CUBN: variants seen among roughly 807,000 people sequenced by gnomAD.
CUBN encodes cubilin.
Under a neutral mutation model 405.3 loss-of-function variants are expected in CUBN, and 282 were observed. The observed-to-expected ratio is 0.70, with a 90% CI of 0.63 to 0.77. The LOEUF is 0.77. Ranked by LOEUF, CUBN falls within the 30% of genes least tolerant of loss-of-function variation. CUBN has a pLI of 0.00. For missense variants in CUBN, 4,514 were observed against 4,475.2 expected (o/e 1.01, Z -0.25); for synonymous variants, 1,684 against 1,617.0 (o/e 1.04, Z -0.99).
At chr10:17,095,463 G>C (rs10795442) in intron 14 of CUBN, among the ~76,000 whole-genome samples, 81,624 of 151,780 alleles carry the variant, frequency 0.54, 22,597 homozygotes, top group East Asian at 0.67. Flanking sequence ...AGACATTTCT[G>C]AATAGAAAAC....
chr10:16,879,371 T>C (rs780838), intron 56 of CUBN, among the ~76,000 whole-genome samples: 72,017 of 152,156 alleles, frequency 0.47, 19,346 homozygotes, highest in Middle Eastern at 0.63. Flanking sequence ...AAAATGCTTT[T>C]ATTTCATGGC....
In CUBN at chr10:16,889,647, G is replaced by A. The variant is rs181272623; in HGVS notation, c.8755+724C>T. 2.7e-3 allele frequency among the ~76,000 whole-genome samples: 412 copies of A among 152,134 alleles called. 2 individuals carry two copies. The highest frequency in any genetic ancestry group is 4.9e-3 in the Non-Finnish European group (335 of 67,998). ...CGGCCGGGCACGGTGGCTTATGCCAGCACTTTGGGAGGCCGAGGCGGGCGG... is the reference window on the plus strand; with the variant it reads ...CGGCCGGGCACGGTGGCTTATGCCAACACTTTGGGAGGCCGAGGCGGGCGG... On this transcript the variant is annotated intron_variant, in intron 55 of 66. Coordinates refer to ENST00000377833, the MANE Select transcript of CUBN (RefSeq NM_001081.4).
rs1284065989 is a variant in CUBN at position 16,915,106 on chromosome 10, G to A, written c.7277C>T (p.Ala2426Val). The change falls in exon 47 of 67, where the codon GCT becomes GTT. Residue 2426 changes from alanine to valine, a missense_variant. Physicochemically the swap from Ala to Val is moderately conservative, Grantham distance 64. Around this residue, in one of 5 missense-constraint regions of CUBN, gnomAD observed 1,613 missense variants for 1,542.8 expected, o/e 1.05. Coordinates refer to ENST00000377833, the MANE Select transcript of CUBN (RefSeq NM_001081.4). ...PDSIDTSSNT[A>V]VVRFVTDGSV... ...GCCGTCTGTGACAAACCTGACCACA[G>A]CAGTATTGCTAGAAGTGTCTATGCT... 1 of 1,613,962 alleles carries A rather than the reference G, an allele frequency of 6.2e-7. No homozygotes were observed. The highest frequency in any genetic ancestry group is 1.3e-5 in the African/African-American group (1 of 74,926).
At chr10:17,114,844 C>A (rs1836852317) in intron 7 of CUBN, among the ~76,000 whole-genome samples, 1 of 152,158 alleles carries the variant, frequency 6.6e-6, no homozygotes, top group South Asian at 2.1e-4. Context: ...ATGTTGCCAA[C>A]AAGACTGGTC....
Position 16,954,568 on chromosome 10 carries a change from G to A in CUBN, c.4696-20C>T. ...GTATGCCTACAAGAAAGGAGACAGG[G>A]CAAACAGTGGTTCAGATTCACATCT... On this transcript the variant is annotated intron_variant, in intron 31 of 66. Coordinates refer to ENST00000377833, the MANE Select transcript of CUBN (RefSeq NM_001081.4). 1 of 1,612,178 alleles carries A rather than the reference G, an allele frequency of 6.2e-7. No homozygotes were observed. Among genetic ancestry groups the A allele is most frequent in the Admixed American group, 1.7e-5 (1 of 59,914 alleles).
intron 31 of CUBN, among the ~76,000 whole-genome samples, chr10:16,968,743 T>C (rs1687703): frequency 0.36 from 54,063 of 151,974 alleles, 9,982 homozygotes; most frequent in Middle Eastern, 0.44. Context: ...TAACTGTCAG[T>C]CAGAGGTCAC....
chr10:17,096,288 C>G (rs1311404694), intron 14 of CUBN, among the ~76,000 whole-genome samples: 1 of 152,058 alleles, frequency 6.6e-6, no homozygotes, highest in Middle Eastern at 3.2e-3. Flanking sequence ...TAAATATTTT[C>G]ACCATATTGA....
chr10:16,954,182 G>C (rs1021337018), intron 32 of CUBN, among the ~76,000 whole-genome samples: 1 of 152,142 alleles, frequency 6.6e-6, no homozygotes. Context: ...TTAGAGATGC[G>C]GGTCCAAAGG....
At chr10:16,932,412 T>G (rs1225355519) in intron 40 of CUBN, among the ~76,000 whole-genome samples, 4 of 152,186 alleles carry the variant, frequency 2.6e-5, no homozygotes. Context: ...CCATGCAGAC[T>G]GTGAAGCCCA....
chr10:17,037,539 A>C (rs958904182), intron 27 of CUBN, among the ~76,000 whole-genome samples: 9 of 152,256 alleles, frequency 5.9e-5, no homozygotes, highest in African/African-American at 2.2e-4. Context: ...AAATATATGA[A>C]CTGGATAATA....
At chr10:17,047,385 A>G (rs1195648976) in intron 23 of CUBN, 29 bp downstream of exon 23, 1 of 1,506,130 alleles carries the variant, frequency 6.6e-7, no homozygotes, top group South Asian at 1.2e-5. Context: ...TAATGAAAAG[A>G]TTATAATGAA....
intron 22 of CUBN, among the ~76,000 whole-genome samples, chr10:17,060,184 C>T (rs1011055810): frequency 2.6e-5 from 4 of 151,276 alleles, no homozygotes; most frequent in South Asian, 2.1e-4. Context: ...TGCAGTGGTG[C>T]GATTTTCTCT....
At chr10:17,104,873 A>G (rs1251201075) in intron 11 of CUBN, among the ~76,000 whole-genome samples, 1 of 149,416 alleles carries the variant, frequency 6.7e-6, no homozygotes, top group Non-Finnish European at 1.5e-5. Flanking sequence ...CAGTGGTGCA[A>G]TCTCAGCTCA....
At chr10:16,835,295 CT>C (rs1839136073) in intron 63 of CUBN, 100 bp from the exon 64 acceptor site, 1 of 1,122,698 alleles carries the variant, frequency 8.9e-7, no homozygotes, top group South Asian at 1.3e-5. Flanking sequence ...ATTTGATAAA[CT>C]TTAGAAAAAA....
At chr10:16,835,300 G>T in intron 63 of CUBN, 105 bp from the exon 64 acceptor site, 1 of 1,030,890 alleles carries the variant, frequency 9.7e-7, no homozygotes, top group Non-Finnish European at 1.5e-6. Flanking sequence ...ATAAACTTTA[G>T]AAAAAAGTAA....
chr10:17,087,184 A>G (rs1836128528), intron 15 of CUBN, among the ~76,000 whole-genome samples: 1 of 152,124 alleles, frequency 6.6e-6, no homozygotes, highest in African/African-American at 2.4e-5. Flanking sequence ...TCTTTTTCAC[A>G]CTGCTGCAAG....
chr10:16,829,930 T>TG (rs1838928244), intron 65 of CUBN, among the ~76,000 whole-genome samples: 2 of 150,184 alleles, frequency 1.3e-5, no homozygotes, highest in Non-Finnish European at 3.0e-5. Context: ...CATGGTGGGT[T>TG]TTTTTTGTTT....
chr10:16,829,342 GAAA>G (rs71287326), intron 65 of CUBN, among the ~76,000 whole-genome samples: 1 of 121,152 alleles, frequency 8.3e-6, no homozygotes. Flanking sequence ...GAGCAGAATG[GAAA>G]AAAAAAAAAA....
intron 31 of CUBN, among the ~76,000 whole-genome samples, chr10:16,971,068 T>C (rs1330240895): frequency 6.6e-6 from 1 of 152,212 alleles, no homozygotes; most frequent in Non-Finnish European, 1.5e-5. Flanking sequence ...AGCATAATTT[T>C]CACTGGTATT....
Sources: allele counts gnomAD v4.1 joint callset (sites outside exome capture counted in the v4.1 genomes callset), GRCh38; gene constraint gnomAD v4.1.1; regional missense constraint gnomAD v4.1.1; transcripts MANE v1.5; gene names NCBI Gene and HGNC (gene_info 2026-07-23, HGNC 2026-07-21).